The following LMX1A variants were observed in gnomAD, a reference collection of about 807,000 sequenced individuals.
LMX1A encodes LIM homeobox transcription factor 1-alpha.
A neutral mutation model predicts 49.1 loss-of-function variants in LMX1A; 15 were observed. The ratio of observed to expected loss-of-function variants is 0.31; its 90% confidence interval spans 0.20 to 0.47. The LOEUF (loss-of-function observed/expected upper bound fraction) is 0.47, where lower values mean the gene tolerates loss of function less well. LMX1A is among the 20% of genes least tolerant of loss of function. LMX1A has a pLI of 1.00. For synonymous variants in LMX1A, 167 were observed against 185.7 expected, an observed-to-expected ratio of 0.90 and a Z score of 0.82; for missense variants, 372 against 475.8, an observed-to-expected ratio of 0.78 and a Z score of 2.03.
chr1:165,242,966 C>G (rs1267581882), intron 4 of LMX1A, among the ~76,000 whole-genome samples: 2 of 135,864 alleles, frequency 1.5e-5, no homozygotes, highest in East Asian at 4.1e-4. Flanking sequence ...AAACATAAAA[C>G]AACTAATTGC....
At chr1:165,245,057 GT>G (rs1652793992) in intron 4 of LMX1A, among the ~76,000 whole-genome samples, 2 of 152,110 alleles carry the variant, frequency 1.3e-5, no homozygotes, top group Non-Finnish European at 2.9e-5. Flanking sequence ...TGTAAGATCA[GT>G]CAGCATCACA....
intron 3 of LMX1A, among the ~76,000 whole-genome samples, chr1:165,341,543 C>A (rs1205829235): frequency 6.6e-6 from 1 of 151,646 alleles, no homozygotes; most frequent in African/African-American, 2.4e-5. Flanking sequence ...GAAGTGTCTT[C>A]CTTCATAGAG....
At chr1:165,288,019 A>C (rs1206049362) in intron 3 of LMX1A, among the ~76,000 whole-genome samples, 10 of 152,228 alleles carry the variant, frequency 6.6e-5, no homozygotes, top group Admixed American at 5.9e-4. Flanking sequence ...AATAAAACTG[A>C]AGTGTGTTAA....
At chr1:165,308,711 C>T (rs1279259578) in intron 3 of LMX1A, among the ~76,000 whole-genome samples, 1 of 152,104 alleles carries the variant, frequency 6.6e-6, no homozygotes, top group African/African-American at 2.4e-5. Context: ...GCTTTTTACT[C>T]CCTTGCATTA....
intron 4 of LMX1A, among the ~76,000 whole-genome samples, chr1:165,221,361 T>G (rs1651836283): frequency 6.6e-6 from 1 of 151,884 alleles, no homozygotes; most frequent in African/African-American, 2.4e-5. Context: ...TTATTTTAAA[T>G]CCCCATATCT....
intron 4 of LMX1A, among the ~76,000 whole-genome samples, chr1:165,232,509 A>AT (rs1046807379): frequency 6.6e-5 from 10 of 152,064 alleles, no homozygotes; most frequent in Middle Eastern, 3.4e-3. Context: ...ACATTTCCAT[A>AT]TTTTTTTTCA....
chr1:165,292,176 C>A (rs1426677681), intron 3 of LMX1A, among the ~76,000 whole-genome samples: 1 of 151,566 alleles, frequency 6.6e-6, no homozygotes. Context: ...TGAAAGACTG[C>A]CAAAGTGAAC....
chr1:165,253,603 T>C (rs1246862224), intron 3 of LMX1A, among the ~76,000 whole-genome samples: 3 of 152,200 alleles, frequency 2.0e-5, no homozygotes, highest in Non-Finnish European at 4.4e-5. Context: ...GCTGCAGGAT[T>C]GGAAGTGCTT....
At chr1:165,289,592 G>A (rs1333976113) in intron 3 of LMX1A, among the ~76,000 whole-genome samples, 1 of 152,256 alleles carries the variant, frequency 6.6e-6, no homozygotes, top group African/African-American at 2.4e-5. Context: ...GAATTTACCT[G>A]AATAGTCATT....
intron 3 of LMX1A, among the ~76,000 whole-genome samples, chr1:165,348,474 A>G (rs748491033): frequency 6.6e-6 from 1 of 152,226 alleles, no homozygotes; most frequent in East Asian, 1.9e-4. Flanking sequence ...GCCACGGCCC[A>G]TGGACGGTGC....
chr1:165,284,773 C>T lies in LMX1A; in HGVS notation c.264-35133G>A, dbSNP rs151199394. Among the ~76,000 whole-genome samples the T allele has an allele frequency of 4.5e-3, 687 of 152,328 alleles. 5 individuals carry two copies. The highest frequency in any genetic ancestry group is 0.016 in the African/African-American group (647 of 41,568). On this transcript the variant is annotated intron_variant, in intron 3 of 8. Coordinates refer to ENST00000342310, the MANE Select transcript of LMX1A (RefSeq NM_177398.4). ...TACAAAGCGTTGGCCACCCAGCACC[C>T]GCCGTAGCACCCTCATGGGAAGAAA...
At chr1:165,311,992 C>G (rs1384707783) in intron 3 of LMX1A, among the ~76,000 whole-genome samples, 1 of 152,208 alleles carries the variant, frequency 6.6e-6, no homozygotes, top group Non-Finnish European at 1.5e-5. Flanking sequence ...CACTCTGCCT[C>G]TAGAGGAGCA....
intron 3 of LMX1A, among the ~76,000 whole-genome samples, chr1:165,315,931 C>A (rs544441328): frequency 6.6e-6 from 1 of 152,208 alleles, no homozygotes; most frequent in Non-Finnish European, 1.5e-5. Context: ...ATCTTAAAGA[C>A]GCAAAGGGCT....
At position 165,201,967 on chromosome 1, in the gene LMX1A, A is replaced by G. The variant is rs1231672888; in HGVS notation, c.*1913T>C. 1 of 152,190 alleles carries G rather than the reference A, an allele frequency of 6.6e-6. No individual in the cohort carries two copies. The highest frequency in any genetic ancestry group is 1.5e-5 in the Non-Finnish European group (1 of 67,992). 9.4% of individuals were successfully genotyped at this position (152,190 alleles called of 1,614,324 possible). A position where few individuals can be genotyped will look rare whatever the true frequency, so the allele number is the denominator to read the frequency against. ...CACATAGTATCTCCTACATTCTCCA[A>G]CTGGTCTTTACCACAGAAACCTGTG... On this transcript the variant is annotated 3_prime_UTR_variant, in exon 9 of 9. Transcript: ENST00000342310.
intron 7 of LMX1A, chr1:165,207,598 T>C (rs1403624090): frequency 1.3e-5 from 2 of 154,038 alleles, no homozygotes; most frequent in African/African-American, 4.8e-5. Flanking sequence ...CAAGTCAGCA[T>C]GTATGAGAAC....
At chr1:165,334,655 TAA>T (rs1475804118) in intron 3 of LMX1A, among the ~76,000 whole-genome samples, 1 of 152,202 alleles carries the variant, frequency 6.6e-6, no homozygotes, top group Admixed American at 6.5e-5. Context: ...TTGCTTAAAT[TAA>T]ATTCTTTTTA....
At chr1:165,292,891 G>A (rs1429688323) in intron 3 of LMX1A, among the ~76,000 whole-genome samples, 1 of 152,088 alleles carries the variant, frequency 6.6e-6, no homozygotes, top group Non-Finnish European at 1.5e-5. Flanking sequence ...AGCTGAGGTG[G>A]GCAGATCACG....
At chr1:165,312,754 C>T (rs1269823979) in intron 3 of LMX1A, among the ~76,000 whole-genome samples, 1 of 152,238 alleles carries the variant, frequency 6.6e-6, no homozygotes, top group African/African-American at 2.4e-5. Flanking sequence ...CCCAGCTGGT[C>T]CGCCTGCAGC....
chr1:165,206,099 C>T, intron 7 of LMX1A, 65 bp from the exon 8 acceptor site: 2 of 1,384,158 alleles, frequency 1.4e-6, no homozygotes, highest in South Asian at 1.4e-5. Flanking sequence ...TTCCCTGGGT[C>T]CTGATTCCCT....
Sources: allele counts gnomAD v4.1 joint callset (sites outside exome capture counted in the v4.1 genomes callset), GRCh38; gene constraint gnomAD v4.1.1; transcripts MANE v1.5; gene names NCBI Gene and HGNC (gene_info 2026-07-23, HGNC 2026-07-21).